The following CCDC141 variants were observed in gnomAD, a reference collection of about 807,000 sequenced individuals.
CCDC141 encodes the protein coiled-coil domain containing 141, also known as coiled-coil domain-containing protein 141.
Under a neutral mutation model 181.0 loss-of-function variants are expected in CCDC141, and 168 were observed. The observed-to-expected ratio is 0.93, with a 90% CI of 0.82 to 1.05. The LOEUF is 1.05. Ranked by LOEUF, CCDC141 falls within the 50% of genes least tolerant of loss-of-function variation. The pLI, the probability that CCDC141 is intolerant of heterozygous loss-of-function variation, is 0.00. For missense variants in CCDC141, 1,902 were observed against 1,788.5 expected, an observed-to-expected ratio of 1.06 and a Z score of -1.14; for synonymous variants, 666 against 642.3, an observed-to-expected ratio of 1.04 and a Z score of -0.56.
chr2:179,045,920 C>G (rs999274648), intron 2 of CCDC141, among the ~76,000 whole-genome samples: 3 of 151,956 alleles, frequency 2.0e-5, no homozygotes, highest in Non-Finnish European at 2.9e-5. Context: ...AGCTGTCAAA[C>G]GGGAATAAAT....
Position 179,030,366 on chromosome 2 carries a change from A to G in CCDC141, c.225+16918T>C, listed in dbSNP as rs1157941409. Reference sequence around the variant, plus strand: ...AAACTAACTATGGCATATTAACAAAATCCTTTTAGCTATTTTTAGAATCTG... The same window carrying G: ...AAACTAACTATGGCATATTAACAAAGTCCTTTTAGCTATTTTTAGAATCTG... On this transcript the variant is annotated intron_variant, in intron 2 of 23. Coordinates refer to ENST00000443758, the MANE Select transcript of CCDC141 (RefSeq NM_173648.4). 2.0e-5 allele frequency among the ~76,000 whole-genome samples: 3 copies of G among 152,054 alleles called. 1 individual carries two copies. In the East Asian group the frequency reaches 5.8e-4, roughly 29 times the overall value.
At chr2:178,855,923 T>C (rs977655203) in intron 18 of CCDC141, among the ~76,000 whole-genome samples, 2 of 151,682 alleles carry the variant, frequency 1.3e-5, no homozygotes, top group African/African-American at 4.9e-5. Context: ...GCAGCAAAAC[T>C]GATGACATAG....
intron 21 of CCDC141, among the ~76,000 whole-genome samples, chr2:178,849,229 A>G (rs891247711): frequency 1.3e-5 from 2 of 152,220 alleles, no homozygotes; most frequent in Non-Finnish European, 2.9e-5. Context: ...CAATTATCAC[A>G]ACAATAATCT....
chr2:178,968,076 G>C (rs937950889), intron 4 of CCDC141, among the ~76,000 whole-genome samples: 3 of 152,190 alleles, frequency 2.0e-5, no homozygotes, highest in African/African-American at 7.2e-5. Flanking sequence ...GGAGCACCCA[G>C]ATTCATAAAG....
intron 5 of CCDC141, among the ~76,000 whole-genome samples, chr2:178,945,897 T>C (rs1055920682): frequency 6.6e-6 from 1 of 150,984 alleles, no homozygotes; most frequent in African/African-American, 2.4e-5. Flanking sequence ...AGGGCTCACC[T>C]AGAATAGGAC....
chr2:178,899,218 C>G (rs2154372150), intron 8 of CCDC141, among the ~76,000 whole-genome samples: 1 of 152,266 alleles, frequency 6.6e-6, no homozygotes, highest in South Asian at 2.1e-4. Context: ...AAACAATAGG[C>G]TAGCCTAGCT....
At position 178,837,714 on chromosome 2, in the gene CCDC141, T is replaced by C. The variant is rs746635252; in HGVS notation, c.3505A>G (p.Ile1169Val). The C allele has an allele frequency of 5.6e-6, 9 of 1,612,654 alleles. No individual in the cohort carries two copies. In the East Asian group the frequency reaches 1.8e-4, roughly 32 times the overall value. ...GQVQVADLLG[I>V]NGTGEERLPQ... ...AGTCGCTCTTCCCCTGTTCCATTGA[T>C]GCCCAAAAGATCTGCCACCTGCACC... The change falls in exon 23 of 24, where the codon ATC (isoleucine) becomes GTC (valine). Residue 1169 changes from isoleucine to valine, a missense_variant. Physicochemically the swap from Ile to Val is conservative, Grantham distance 29 (BLOSUM62 3). Coordinates refer to ENST00000443758, the MANE Select transcript of CCDC141 (RefSeq NM_173648.4).
Position 178,979,780 on chromosome 2 carries a change from A to G in CCDC141, c.226-1105T>C, listed in dbSNP as rs183667122. ...AGTAAAGACACTCATGAACCTTTGT[A>G]TCTGTGGCACTGAAATATTTCAAGT... On this transcript the variant is annotated intron_variant, in intron 2 of 23. Coordinates refer to ENST00000443758, the MANE Select transcript of CCDC141 (RefSeq NM_173648.4). Among the ~76,000 whole-genome samples the G allele has an allele frequency of 2.5e-3, 383 of 152,322 alleles. 1 individual carries two copies. The highest frequency in any genetic ancestry group is 4.4e-3 in the South Asian group (21 of 4,826).
At position 178,941,958 on chromosome 2, in the gene CCDC141, C is replaced by CAA. The variant is rs66903231; in HGVS notation, c.897+2575_897+2576dup. The stretch of plus-strand genomic sequence containing the variant: ...TGAGTGACAGAGAGAGATCCCATCT[C>CAA]AAAAAAAAAAAAAAAAAAAAAAAAA... On this transcript the variant is annotated intron_variant, in intron 6 of 23. Coordinates refer to ENST00000443758, the MANE Select transcript of CCDC141 (RefSeq NM_173648.4). Among the ~76,000 whole-genome samples, 69 of 71,482 alleles carry CAA rather than the reference C, an allele frequency of 9.7e-4. 3 individuals are homozygous for CAA. Among genetic ancestry groups the CAA allele is most frequent in the African/African-American group, 4.0e-3 (64 of 15,934 alleles). 46.9% of individuals were successfully genotyped at this position (71,482 alleles called of 152,430 possible). A position where few individuals can be genotyped will look rare whatever the true frequency, so the allele number is the denominator to read the frequency against.
chr2:178,853,168 A>G (rs1320688064), intron 20 of CCDC141, among the ~76,000 whole-genome samples: 2 of 152,202 alleles, frequency 1.3e-5, no homozygotes, highest in Non-Finnish European at 2.9e-5. Context: ...TACCCTAGAG[A>G]TGAACAACAG....
intron 7 of CCDC141, among the ~76,000 whole-genome samples, chr2:178,917,943 A>G (rs1379288703): frequency 6.6e-6 from 1 of 152,238 alleles, no homozygotes; most frequent in Non-Finnish European, 1.5e-5. Context: ...TGCAATATTC[A>G]TATGTATTTT....
At chr2:178,913,094 A>C (rs1193012371) in intron 7 of CCDC141, among the ~76,000 whole-genome samples, 5 of 152,222 alleles carry the variant, frequency 3.3e-5, no homozygotes, top group Non-Finnish European at 7.3e-5. Flanking sequence ...TCTGGAAAGC[A>C]GGGATTATAT....
chr2:178,837,829 G>C, intron 22 of CCDC141, 85 bp from the exon 23 acceptor site: 1 of 1,441,322 alleles, frequency 6.9e-7, no homozygotes, highest in African/African-American at 1.7e-5. Flanking sequence ...ACTTCAGAGA[G>C]ATAACTCGAG....
intron 10 of CCDC141, among the ~76,000 whole-genome samples, chr2:178,886,226 C>T (rs569168920): frequency 6.7e-6 from 1 of 149,274 alleles, no homozygotes; most frequent in Admixed American, 6.8e-5. Context: ...AACTTCAGGG[C>T]AGGTTTGGAG....
In CCDC141 at chr2:178,834,389, G is replaced by A; in HGVS notation, c.4377C>T (p.His1459=). 9 of 1,536,392 alleles carry A rather than the reference G, an allele frequency of 5.9e-6. No homozygotes were observed. Among genetic ancestry groups the A allele is most frequent in the Non-Finnish European group, 7.8e-6 (9 of 1,146,896 alleles). Residue 1459 remains histidine, a synonymous_variant, in exon 24 of 24, where the codon CAC becomes CAT. Coordinates refer to ENST00000443758, the MANE Select transcript of CCDC141 (RefSeq NM_173648.4). ...LSADGHLQVL[H]KETRHSVFIP... ...TGAACACCGAATGCCTTGTCTCCTT[G>A]TGTAAAACCTGTAAGTGCCCATCTG...
chr2:178,977,723 A>G (rs1389630614), intron 3 of CCDC141, among the ~76,000 whole-genome samples: 4 of 152,206 alleles, frequency 2.6e-5, no homozygotes, highest in Admixed American at 1.3e-4. Flanking sequence ...CTAATGCTTT[A>G]TCATAATGAA....
At chr2:179,049,218 A>C (rs980377968) in intron 1 of CCDC141, among the ~76,000 whole-genome samples, 15 of 152,176 alleles carry the variant, frequency 9.9e-5, no homozygotes, top group African/African-American at 3.4e-4. Flanking sequence ...AGTGGCTTCT[A>C]CTTCCTGCTG....
chr2:178,949,960 G>T (rs1381866052), intron 5 of CCDC141, among the ~76,000 whole-genome samples: 1 of 152,198 alleles, frequency 6.6e-6, no homozygotes, highest in Non-Finnish European at 1.5e-5. Context: ...TCTGCAATTT[G>T]TTCTACAATA....
Position 178,967,524 on chromosome 2 carries a change from A to G in CCDC141, c.527-6041T>C, listed in dbSNP as rs373342794. The stretch of plus-strand genomic sequence containing the variant: ...AAGCGAAGGAGAAATAAAATCCTTT[A>G]TAGACAAGGAAATGCTGAGAGATTT... On this transcript the variant is annotated intron_variant, in intron 4 of 23. Transcript: ENST00000443758. Among the ~76,000 whole-genome samples, 51 of 152,330 alleles carry G rather than the reference A, an allele frequency of 3.3e-4. No homozygotes were observed. In the East Asian group the frequency reaches 3.7e-3, roughly 11 times the overall value.
Sources: allele counts gnomAD v4.1 joint callset (sites outside exome capture counted in the v4.1 genomes callset), GRCh38; gene constraint gnomAD v4.1.1; transcripts MANE v1.5; gene names NCBI Gene and HGNC (gene_info 2026-07-23, HGNC 2026-07-21).